Variants in NBEA observed in about 807,000 individuals in gnomAD.
The protein encoded by NBEA is neurobeachin.
In NBEA, 44 loss-of-function variants were observed where a neutral mutation model predicts 343.4. The observed-to-expected ratio is 0.13, with a 90% CI of 0.10 to 0.16. The LOEUF is 0.16. Ranked by LOEUF, NBEA falls within the 10% of genes least tolerant of loss-of-function variation. The probability of loss-of-function intolerance (pLI) is 1.00; values close to 1 mark genes in which losing one functional copy is unlikely to be tolerated. For missense variants in NBEA, 2,555 were observed against 3,631.3 expected (o/e 0.70, Z 7.62); for synonymous variants, 1,175 against 1,238.7 (o/e 0.95, Z 1.08).
At chr13:35,139,784 G>T (rs1263895029) in intron 17 of NBEA, among the ~76,000 whole-genome samples, 5 of 97,934 alleles carry the variant, frequency 5.1e-5, no homozygotes, top group African/African-American at 2.1e-4. Flanking sequence ...TCTCTTGACT[G>T]CTGTGCAACA....
intron 38 of NBEA, among the ~76,000 whole-genome samples, chr13:35,408,142 G>A (rs536851490): frequency 4.1e-4 from 63 of 152,088 alleles, no homozygotes; most frequent in Non-Finnish European, 7.7e-4. Flanking sequence ...AAAACAGCAT[G>A]GTGGGTACAA....
intron 41 of NBEA, among the ~76,000 whole-genome samples, chr13:35,539,704 C>G (rs1292073732): frequency 1.3e-5 from 2 of 151,184 alleles, no homozygotes; most frequent in Non-Finnish European, 2.9e-5. Flanking sequence ...ATCACGAGGT[C>G]AGGAGATCGA....
At chr13:35,140,113 A>G (rs575209746) in intron 17 of NBEA, among the ~76,000 whole-genome samples, 1 of 152,060 alleles carries the variant, frequency 6.6e-6, no homozygotes, top group Non-Finnish European at 1.5e-5. Flanking sequence ...ATCTCCAGGA[A>G]TCAAGTCATT....
At chr13:35,317,687 A>T (rs2037837746) in intron 36 of NBEA, among the ~76,000 whole-genome samples, 1 of 152,164 alleles carries the variant, frequency 6.6e-6, no homozygotes, top group African/African-American at 2.4e-5. Flanking sequence ...TCTATAAATT[A>T]CTTTGGGCAA....
intron 17 of NBEA, among the ~76,000 whole-genome samples, chr13:35,138,175 A>C (rs896320346): frequency 3.9e-5 from 6 of 152,162 alleles, no homozygotes; most frequent in South Asian, 2.1e-4. Context: ...TTACATACCA[A>C]ATTGACTATT....
intron 41 of NBEA, among the ~76,000 whole-genome samples, chr13:35,489,726 G>A (rs1001243205): frequency 5.3e-5 from 8 of 151,780 alleles, no homozygotes; most frequent in Non-Finnish European, 8.8e-5. Context: ...ATCTCAAAAT[G>A]TTTATGGCAC....
chr13:35,234,711 T>C (rs1417380399), intron 34 of NBEA, among the ~76,000 whole-genome samples: 1 of 152,092 alleles, frequency 6.6e-6, no homozygotes, highest in Non-Finnish European at 1.5e-5. Context: ...TTTGAAAGGG[T>C]TATGTTCCCT....
intron 30 of NBEA, among the ~76,000 whole-genome samples, chr13:35,193,391 G>C (rs114616152): frequency 6.6e-6 from 1 of 151,954 alleles, no homozygotes; most frequent in African/African-American, 2.4e-5. Context: ...ATATCTTAGA[G>C]ATTCTGTAGA....
intron 43 of NBEA, among the ~76,000 whole-genome samples, chr13:35,554,749 G>A (rs971132914): frequency 1.1e-4 from 16 of 152,084 alleles, no homozygotes; most frequent in African/African-American, 3.4e-4. Context: ...GCTGTGATTT[G>A]ACAAATAAGG....
chr13:35,327,189 T>C (rs2038620853), intron 36 of NBEA, among the ~76,000 whole-genome samples: 1 of 152,084 alleles, frequency 6.6e-6, no homozygotes, highest in Admixed American at 6.6e-5. Context: ...AAATGTAAAG[T>C]AGTTCAGCCA....
At chr13:35,162,166 T>C (rs1359674574) in intron 23 of NBEA, among the ~76,000 whole-genome samples, 199 bp downstream of exon 23, 1 of 152,124 alleles carries the variant, frequency 6.6e-6, no homozygotes, top group African/African-American at 2.4e-5. Context: ...AAAATCACCC[T>C]GTGACATGTG....
intron 1 of NBEA, among the ~76,000 whole-genome samples, chr13:35,005,237 C>T (rs1448403945): frequency 6.7e-6 from 1 of 150,152 alleles, no homozygotes; most frequent in Non-Finnish European, 1.5e-5. Flanking sequence ...TTTTTCTGAC[C>T]ATGATAATAA....
At chr13:35,485,117 T>C (rs1241738362) in intron 41 of NBEA, among the ~76,000 whole-genome samples, 1 of 152,128 alleles carries the variant, frequency 6.6e-6, no homozygotes, top group Non-Finnish European at 1.5e-5. Context: ...ATATTACCAA[T>C]TACGTACACT....
intron 45 of NBEA, among the ~76,000 whole-genome samples, chr13:35,578,840 G>C (rs2080873747): frequency 1.3e-5 from 2 of 152,032 alleles, no homozygotes; most frequent in Admixed American, 1.3e-4. Context: ...TATACACAAT[G>C]AGATAGCTTG....
intron 45 of NBEA, among the ~76,000 whole-genome samples, chr13:35,578,827 G>A (rs1467329565): frequency 1.3e-5 from 2 of 151,892 alleles, no homozygotes; most frequent in Non-Finnish European, 2.9e-5. Flanking sequence ...CAGAATATTT[G>A]CATATACACA....
intron 55 of NBEA, among the ~76,000 whole-genome samples, chr13:35,657,697 T>C (rs1201729022): frequency 6.6e-6 from 1 of 152,206 alleles, no homozygotes; most frequent in East Asian, 1.9e-4. Flanking sequence ...AAAGTTTAAT[T>C]AAGCAGCAGG....
At chr13:35,191,639 CA>C (rs1437454741) in intron 30 of NBEA, among the ~76,000 whole-genome samples, 5 of 151,662 alleles carry the variant, frequency 3.3e-5, no homozygotes, top group Admixed American at 6.6e-5. Flanking sequence ...TTAATATAAA[CA>C]AAATGTGTAA....
intron 41 of NBEA, among the ~76,000 whole-genome samples, chr13:35,536,415 T>A (rs2078544903): frequency 6.6e-6 from 1 of 151,770 alleles, no homozygotes; most frequent in Admixed American, 6.6e-5. Flanking sequence ...TATCTGCATT[T>A]GTTTTTTTTT....
chr13:35,297,449 T>C (rs924827618), intron 35 of NBEA, among the ~76,000 whole-genome samples: 1 of 152,072 alleles, frequency 6.6e-6, no homozygotes, highest in African/African-American at 2.4e-5. Context: ...GTATTTCCTT[T>C]CTTTTTGAAG....
Sources: gnomAD v4.1 joint callset for allele counts (sites outside exome capture counted in the v4.1 genomes callset) on GRCh38, gnomAD v4.1.1 for gene constraint, MANE v1.5 for transcripts, NCBI Gene and HGNC (gene_info 2026-07-23, HGNC 2026-07-21) for gene names.